Variants in KIAA1217 observed in about 807,000 individuals in gnomAD.
KIAA1217 encodes the protein sickle tail protein homolog.
KIAA1217 carries 88 observed loss-of-function variants against 163.9 expected under a neutral mutation model. The ratio of observed to expected loss-of-function variants is 0.54; its 90% CI spans 0.45 to 0.64. The LOEUF (loss-of-function observed/expected upper bound fraction) is 0.64. KIAA1217 is among the 30% of genes least tolerant of loss of function. The pLI, the probability that KIAA1217 is intolerant of heterozygous loss-of-function variation, is 0.00. For missense variants in KIAA1217, 2,372 were observed against 2,475.0 expected (o/e 0.96, Z 0.88); for synonymous variants, 903 against 923.1 (o/e 0.98, Z 0.39).
At chr10:24,134,258 A>G (rs1452849996) in intron 2 of KIAA1217, among the ~76,000 whole-genome samples, 2 of 152,206 alleles carry the variant, frequency 1.3e-5, no homozygotes, top group Non-Finnish European at 1.5e-5. Context: ...TGTTAAGGGC[A>G]TTTTAGCAGA....
Position 23,790,041 on chromosome 10 carries a change from A to AC in KIAA1217, c.-321+94807_-321+94808insC, listed in dbSNP as rs1314735744. Among the ~76,000 whole-genome samples the AC allele has an allele frequency of 2.9e-4, 36 of 123,166 alleles. 7 individuals carry two copies. Among genetic ancestry groups the AC allele is most frequent in the African/African-American group, 1.3e-3 (36 of 28,122 alleles). The allele number at this position is 123,166 out of a possible 152,430, so 80.8% of individuals were successfully genotyped here. On this transcript the variant is annotated intron_variant, in intron 1 of 18. Transcript: ENST00000376462. ...TACACATATGCATATACACATATAC[A>AC]TATGCATATACACATATACACATAT...
At chr10:24,486,719 A>C (rs1345006586) in intron 6 of KIAA1217, among the ~76,000 whole-genome samples, 2 of 151,982 alleles carry the variant, frequency 1.3e-5, no homozygotes, top group African/African-American at 4.8e-5. Context: ...TTCAAAAGTG[A>C]CTTTCTCAGT....
chr10:23,871,889 A>C (rs1011130393), intron 1 of KIAA1217, among the ~76,000 whole-genome samples: 2 of 152,102 alleles, frequency 1.3e-5, no homozygotes, highest in Non-Finnish European at 2.9e-5. Flanking sequence ...AACAGCATGC[A>C]TAGAGTGTCA....
chr10:24,360,040 C>CATT (rs55881849), intron 2 of KIAA1217, among the ~76,000 whole-genome samples: 2,223 of 94,254 alleles, frequency 0.024, 158 homozygotes, highest in African/African-American at 0.072. Context: ...GATATAATTA[C>CATT]TTTTTTTTTT....
At chr10:24,528,583 C>G (rs1564870845) in intron 14 of KIAA1217, among the ~76,000 whole-genome samples, 1 of 152,138 alleles carries the variant, frequency 6.6e-6, no homozygotes, top group East Asian at 1.9e-4. Flanking sequence ...CCCACCTTAG[C>G]TTCCAGAGTA....
At chr10:23,938,107 T>C (rs752373900) in intron 1 of KIAA1217, among the ~76,000 whole-genome samples, 1 of 152,162 alleles carries the variant, frequency 6.6e-6, no homozygotes, top group Non-Finnish European at 1.5e-5. Flanking sequence ...CCAGCATCTA[T>C]ATGTTGGGAA....
Position 23,790,291 on chromosome 10 carries a change from GCATATGCACATATGCATATATA to G in KIAA1217, c.-321+95079_-321+95100del, listed in dbSNP as rs1835748919. Among the ~76,000 whole-genome samples, 2 of 75,972 alleles carry G rather than the reference GCATATGCACATATGCATATATA, an allele frequency of 2.6e-5. 1 individual carries two copies. The highest frequency in any genetic ancestry group is 5.3e-5 in the Non-Finnish European group (2 of 37,978). The allele number at this position is 75,972 out of a possible 152,430, so 49.8% of individuals were successfully genotyped here. A position where few individuals can be genotyped will look rare whatever the true frequency, so the allele number is the denominator to read the frequency against. On this transcript the variant is annotated intron_variant, in intron 1 of 18. Transcript: ENST00000376462. ...TATGCACATATGCATATGCACATATGCATATGCACATATGCATATATACATATGCACATATGCATATATGCAT... is the reference window on the plus strand; with the variant it reads ...TATGCACATATGCATATGCACATATGCATATGCACATATGCATATATGCAT...
At chr10:24,110,684 C>T (rs1368948734) in intron 2 of KIAA1217, among the ~76,000 whole-genome samples, 1 of 151,966 alleles carries the variant, frequency 6.6e-6, no homozygotes, top group Non-Finnish European at 1.5e-5. Context: ...GTTGAACAGC[C>T]CTGTGAGAAA....
intron 2 of KIAA1217, among the ~76,000 whole-genome samples, chr10:24,349,945 C>T (rs916374692): frequency 2.6e-5 from 4 of 151,958 alleles, no homozygotes; most frequent in South Asian, 4.2e-4. Context: ...GGGGGAATGA[C>T]GTTGGATGGA....
intron 1 of KIAA1217, among the ~76,000 whole-genome samples, chr10:23,847,803 G>C (rs1839115865): frequency 6.6e-6 from 1 of 152,032 alleles, no homozygotes; most frequent in African/African-American, 2.4e-5. Context: ...TTTCAATTGT[G>C]ATGTTAGGGT....
At chr10:24,144,629 C>T (rs2064225973) in intron 2 of KIAA1217, among the ~76,000 whole-genome samples, 1 of 152,158 alleles carries the variant, frequency 6.6e-6, no homozygotes, top group Non-Finnish European at 1.5e-5. Flanking sequence ...CAATCAGTAC[C>T]TTTGCTGAAC....
intron 2 of KIAA1217, among the ~76,000 whole-genome samples, chr10:24,113,957 C>CA (rs1242184430): frequency 6.6e-6 from 1 of 152,230 alleles, no homozygotes; most frequent in Admixed American, 6.5e-5. Flanking sequence ...TGGGGCCCTT[C>CA]TAATCATGGG....
Position 24,543,239 on chromosome 10 carries a change from T to G in KIAA1217, c.3969T>G (p.Thr1323=). The G allele has an allele frequency of 1.2e-6, 2 of 1,613,504 alleles. No individual in the cohort carries two copies. Among genetic ancestry groups the G allele is most frequent in the Non-Finnish European group, 1.7e-6 (2 of 1,179,956 alleles). The change falls in exon 19 of 21, where the codon ACT becomes ACG. Residue 1323 remains threonine (T), a synonymous_variant. Coordinates refer to ENST00000376454, the MANE Select transcript of KIAA1217 (RefSeq NM_019590.5). ...ATAAGTGTCACGTTTCCTCTCACACTAGACTAACAGAATCAAGCGTGCATG... is the reference window on the plus strand; with the variant it reads ...ATAAGTGTCACGTTTCCTCTCACACGAGACTAACAGAATCAAGCGTGCATG... ...NTDKCHVSSH[T]RLTESSVHDF... is the part of the protein sequence containing the mutation.
At chr10:23,735,862 A>G (rs1336582908) in intron 1 of KIAA1217, among the ~76,000 whole-genome samples, 1 of 152,208 alleles carries the variant, frequency 6.6e-6, no homozygotes, top group Non-Finnish European at 1.5e-5. Context: ...ATATGAAACA[A>G]TCAACCATCA....
intron 2 of KIAA1217, among the ~76,000 whole-genome samples, chr10:24,190,958 C>T (rs1249304206): frequency 6.6e-6 from 1 of 151,890 alleles, no homozygotes; most frequent in Non-Finnish European, 1.5e-5. Context: ...CTTTGGGAGG[C>T]CAAGGCTGGC....
rs369797285 is a variant in KIAA1217, at chr10:24,099,764, G to A, written c.-171+92390G>A. ...CTCCCCCCATCCCACAACAGTCCCCGGTGTGTGATGTTCCCCTTCCTGTGT... is the reference window on the plus strand; with the variant it reads ...CTCCCCCCATCCCACAACAGTCCCCAGTGTGTGATGTTCCCCTTCCTGTGT... On this transcript the variant is annotated intron_variant, in intron 2 of 18. Transcript: ENST00000376462. 1.5e-3 allele frequency among the ~76,000 whole-genome samples: 111 copies of A among 73,170 alleles called. 2 individuals carry two copies. Among genetic ancestry groups the A allele is most frequent in the African/African-American group, 5.2e-3 (95 of 18,142 alleles). The allele number at this position is 73,170 out of a possible 152,430, so 48.0% of individuals were successfully genotyped here. A position where few individuals can be genotyped will look rare whatever the true frequency, so the allele number is the denominator to read the frequency against.
chr10:24,156,068 A>G (rs1330660583), intron 2 of KIAA1217, among the ~76,000 whole-genome samples: 1 of 152,220 alleles, frequency 6.6e-6, no homozygotes, highest in Non-Finnish European at 1.5e-5. Context: ...ACGTATGTAT[A>G]TACCATGAAA....
chr10:24,201,590 T>A lies in KIAA1217; in HGVS notation c.-170-18036T>A, dbSNP rs573543002. Among the ~76,000 whole-genome samples, 6 of 152,268 alleles carry A rather than the reference T, an allele frequency of 3.9e-5. No homozygotes were observed. The South Asian group carries it at 1.2e-3, about 32-fold the overall frequency. ...TGGAGGGCTTCCTCTACCTCCTGCA[T>A]GCCAGCACCCCCTCTACCCACTTGG... is the stretch of plus-strand genomic sequence containing the variant. On this transcript the variant is annotated intron_variant, in intron 2 of 18. Transcript: ENST00000376462.
chr10:24,441,342 G>A (rs918757528), intron 5 of KIAA1217, among the ~76,000 whole-genome samples: 1 of 152,132 alleles, frequency 6.6e-6, no homozygotes, highest in Non-Finnish European at 1.5e-5. Flanking sequence ...GGAATAAGCA[G>A]AGGGGCAACA....
Sources: allele counts gnomAD v4.1 joint callset (sites outside exome capture counted in the v4.1 genomes callset), GRCh38; gene constraint gnomAD v4.1.1; transcripts MANE v1.5; gene names NCBI Gene and HGNC (gene_info 2026-07-23, HGNC 2026-07-21).